Variants in ENTPD4 observed in about 807,000 individuals in gnomAD.
The protein encoded by ENTPD4 is Golgi UDPase.
ENTPD4 carries 60 observed loss-of-function variants against 79.1 expected under a neutral mutation model. The observed-to-expected ratio is 0.76, with a 90% CI of 0.62 to 0.94. The LOEUF (loss-of-function observed/expected upper bound fraction) is 0.94. Among genes scored for constraint, ENTPD4 ranks in the 40% least tolerant of loss-of-function variants. ENTPD4 has a pLI of 0.00. For missense variants in ENTPD4, 772 were observed against 775.1 expected (o/e 1.00, Z 0.05); for synonymous variants, 276 against 292.0 (o/e 0.95, Z 0.56).
intron 4 of ENTPD4, 97 bp downstream of exon 4, chr8:23,447,583 C>T: frequency 2.0e-6 from 2 of 981,718 alleles, no homozygotes; most frequent in South Asian, 2.7e-5. Context: ...TGAGGTTTGA[C>T]TCAGGGCCAT....
chr8:23,430,492 C>T lies in ENTPD4; in HGVS notation c.*2434G>A, dbSNP rs1433173916. ...GTATCCTTTTTTGAACTGCATTGTT[C>T]TCACAAGGACCAGCAAACTTTTTCT... On this transcript the variant is annotated 3_prime_UTR_variant, in exon 13 of 13. Coordinates refer to ENST00000358689, the MANE Select transcript of ENTPD4 (RefSeq NM_004901.5). The T allele has an allele frequency of 2.0e-6, 2 of 985,306 alleles. No individual in the cohort carries two copies. Among genetic ancestry groups the T allele is most frequent in the African/African-American group, 3.5e-5 (2 of 57,222 alleles). 61.0% of individuals were successfully genotyped at this position (985,306 alleles called of 1,614,324 possible). A position where few individuals can be genotyped will look rare whatever the true frequency, so the allele number is the denominator to read the frequency against.
chr8:23,448,739 T>TA lies in ENTPD4; in HGVS notation c.206+2dup, dbSNP rs1400419567. 1 of 1,613,134 alleles carries TA rather than the reference T, an allele frequency of 6.2e-7. No individual in the cohort carries two copies. Among genetic ancestry groups the TA allele is most frequent in the Non-Finnish European group, 8.5e-7 (1 of 1,179,188 alleles). On this transcript the variant is annotated splice_region_variant and intron_variant, in intron 3 of 12. Transcript: ENST00000358689. ...CTAGAAAGCAAATGTTTTTATCTCTTACCTTTGAAATTTCTTGTCTCTGGT... is the reference window on the plus strand; with the variant it reads ...CTAGAAAGCAAATGTTTTTATCTCTTAACCTTTGAAATTTCTTGTCTCTGGT...
intron 8 of ENTPD4, 47 bp downstream of exon 8, chr8:23,441,522 T>C (rs764815366): frequency 3.7e-6 from 6 of 1,601,948 alleles, no homozygotes; most frequent in Non-Finnish European, 8.5e-7. Context: ...GGACACACGT[T>C]AAATGAAAAC....
intron 9 of ENTPD4, 48 bp downstream of exon 9, chr8:23,439,701 A>C: frequency 6.3e-7 from 1 of 1,582,310 alleles, no homozygotes; most frequent in Non-Finnish European, 8.7e-7. Flanking sequence ...TTTTATGAGG[A>C]GAGACCTAGG....
intron 1 of ENTPD4, among the ~76,000 whole-genome samples, chr8:23,454,645 AG>A (rs1178083044): frequency 1.3e-5 from 2 of 152,224 alleles, no homozygotes; most frequent in Non-Finnish European, 2.9e-5. Flanking sequence ...TCGAAGAGGA[AG>A]GTGACCGAGA....
At chr8:23,450,256 C>CACAGGGTCA (rs926820854) in intron 1 of ENTPD4, among the ~76,000 whole-genome samples, 9 of 152,274 alleles carry the variant, frequency 5.9e-5, no homozygotes, top group African/African-American at 1.9e-4. Context: ...CCCAAAATAT[C>CACAGGGTCA]AGGATATCAA....
intron 1 of ENTPD4, among the ~76,000 whole-genome samples, chr8:23,457,317 T>C (rs917965298): frequency 1.9e-4 from 27 of 143,888 alleles, no homozygotes; most frequent in African/African-American, 7.4e-4. Flanking sequence ...TGCCAGGGGC[T>C]GGGGGAGCGC....
At position 23,442,681 on chromosome 8, in the gene ENTPD4, CA is replaced by C. The variant is rs5890111; in HGVS notation, c.668-616del. ...CTGGTGACAGAGCGAGACTCCATCTCAAAAAAAAAAAAAATTCAAGGTATCT... is the reference window on the plus strand; with the variant it reads ...CTGGTGACAGAGCGAGACTCCATCTCAAAAAAAAAAAAATTCAAGGTATCT... On this transcript the variant is annotated intron_variant, in intron 6 of 12. Transcript: ENST00000358689. Among the ~76,000 whole-genome samples the C allele has an allele frequency of 5.8e-3, 824 of 142,624 alleles. 4 individuals are homozygous for C. Among genetic ancestry groups the C allele is most frequent in the African/African-American group, 0.017 (646 of 38,918 alleles). The allele number at this position is 142,624 out of a possible 152,430, so 93.6% of individuals were successfully genotyped here.
chr8:23,436,676 T>C (rs368233755), intron 10 of ENTPD4, among the ~76,000 whole-genome samples: 1 of 152,254 alleles, frequency 6.6e-6, no homozygotes, highest in East Asian at 1.9e-4. Flanking sequence ...AAAAATGACA[T>C]AAAAGACTGT....
At chr8:23,434,765 C>T (rs958103715) in intron 11 of ENTPD4, 1 of 1,192,590 alleles carries the variant, frequency 8.4e-7, no homozygotes, top group Non-Finnish European at 1.1e-6. Context: ...GCTGGCATTT[C>T]ACCATGTACT....
Position 23,430,329 on chromosome 8 carries a change from TA to T in ENTPD4, c.*2596del, listed in dbSNP as rs1222384201. 3 of 985,330 alleles carry T rather than the reference TA, an allele frequency of 3.0e-6. No homozygotes were observed. In the Admixed American group the frequency reaches 1.8e-4, roughly 61 times the overall value. The allele number at this position is 985,330 out of a possible 1,614,324, so 61.0% of individuals were successfully genotyped here. ...TTTGTTTCAAAACTCATCTTGAAAA[TA>T]ATCTAGACGGAAAAATCCGAAGTGA... On this transcript the variant is annotated 3_prime_UTR_variant, in exon 13 of 13. Transcript: ENST00000358689.
At chr8:23,435,237 A>G (rs1800535187) in intron 11 of ENTPD4, among the ~76,000 whole-genome samples, 155 bp downstream of exon 11, 1 of 152,240 alleles carries the variant, frequency 6.6e-6, no homozygotes, top group Admixed American at 6.5e-5. Context: ...ATGTCTGGGC[A>G]CAAGTATTTG....
At chr8:23,454,502 T>C (rs1391978238) in intron 1 of ENTPD4, among the ~76,000 whole-genome samples, 1 of 152,162 alleles carries the variant, frequency 6.6e-6, no homozygotes, top group Non-Finnish European at 1.5e-5. Flanking sequence ...AAGATACTAA[T>C]TAAAGGCAAT....
At chr8:23,454,709 G>C (rs970987535) in intron 1 of ENTPD4, among the ~76,000 whole-genome samples, 1 of 152,036 alleles carries the variant, frequency 6.6e-6, no homozygotes. Context: ...TTTGTCTCAG[G>C]AATTTTTTTT....
Position 23,433,118 on chromosome 8 carries a change from G to C in ENTPD4, c.1659C>G (p.Thr553=). The change falls in exon 13 of 13, where the codon ACC becomes ACG. Residue 553 remains threonine, a synonymous_variant. Transcript: ENST00000358689. ...AGACAAAGGAAACGCCCCGCCAGTG[G>C]GTGTGACTGGCTCGGAAGGCCTCCT... ...IQQEAFRASH[T]HWRGVSFVYN... is the part of the protein sequence containing the mutation. The C allele has an allele frequency of 6.2e-7, 1 of 1,614,234 alleles. No individual in the cohort carries two copies. Among genetic ancestry groups the C allele is most frequent in the Non-Finnish European group, 8.5e-7 (1 of 1,180,044 alleles).
chr8:23,429,796 C>G lies in ENTPD4; in HGVS notation c.*3130G>C. ...TCTTCACTCCGCCCAGGTCAGAAAGCACTGCCTAAAGCCGGAGCTTAGGAT... is the reference window on the plus strand; with the variant it reads ...TCTTCACTCCGCCCAGGTCAGAAAGGACTGCCTAAAGCCGGAGCTTAGGAT... On this transcript the variant is annotated 3_prime_UTR_variant, in exon 13 of 13. Transcript: ENST00000358689. 1 of 985,476 alleles carries G rather than the reference C, an allele frequency of 1.0e-6. No individual in the cohort carries two copies. Among genetic ancestry groups the G allele is most frequent in the Non-Finnish European group, 1.2e-6 (1 of 829,950 alleles). 61.0% of individuals were successfully genotyped at this position (985,476 alleles called of 1,614,324 possible).
At position 23,448,857 on chromosome 8, in the gene ENTPD4, A is replaced by C. The variant is rs780423997; in HGVS notation, c.91T>G (p.Leu31Val). 3 of 1,614,018 alleles carry C rather than the reference A, an allele frequency of 1.9e-6. No homozygotes were observed. Among genetic ancestry groups the C allele is most frequent in the African/African-American group, 2.7e-5 (2 of 74,934 alleles). The change falls in exon 3 of 13, where the codon TTA becomes GTA. Residue 31 changes from leucine (L) to valine (V), a missense_variant. Physicochemically the swap from Leu to Val is conservative, Grantham distance 32. Transcript: ENST00000358689. ...VGCPRILNTNLRQIMVISVLA... is the reference protein window; with the variant it reads ...VGCPRILNTNVRQIMVISVLA... ...ACACTAATGACCATAATTTGGCGTA[A>C]ATTGGTATTCAGAATTCGAGGACAC...
Position 23,430,434 on chromosome 8 carries a change from C to T in ENTPD4, c.*2492G>A, listed in dbSNP as rs539554652. 1.0e-6 allele frequency: 1 copy of T among 985,414 alleles called. No homozygotes were observed. The highest frequency in any genetic ancestry group is 4.7e-5 in the South Asian group (1 of 21,286). The allele number at this position is 985,414 out of a possible 1,614,324, so 61.0% of individuals were successfully genotyped here. A position where few individuals can be genotyped will look rare whatever the true frequency, so the allele number is the denominator to read the frequency against. ...ATCTTTTCGTGCCCACAAATGGAAA[C>T]TACATTCCTGATTTAAGAGGATGCT... is the stretch of plus-strand genomic sequence containing the variant. On this transcript the variant is annotated 3_prime_UTR_variant, in exon 13 of 13. Coordinates refer to ENST00000358689, the MANE Select transcript of ENTPD4 (RefSeq NM_004901.5).
In ENTPD4 at chr8:23,429,810, G is replaced by A. The variant is rs773569453; in HGVS notation, c.*3116C>T. On this transcript the variant is annotated 3_prime_UTR_variant, in exon 13 of 13. Coordinates refer to ENST00000358689, the MANE Select transcript of ENTPD4 (RefSeq NM_004901.5). ...AGGTCAGAAAGCACTGCCTAAAGCC[G>A]GAGCTTAGGATGAACATGGGCAAAA... The A allele has an allele frequency of 1.9e-4, 190 of 985,332 alleles. No homozygotes were observed. The highest frequency in any genetic ancestry group is 2.1e-4 in the Non-Finnish European group (177 of 829,946). 61.0% of individuals were successfully genotyped at this position (985,332 alleles called of 1,614,324 possible).
Sources: gnomAD v4.1 joint callset for allele counts (sites outside exome capture counted in the v4.1 genomes callset) on GRCh38, gnomAD v4.1.1 for gene constraint, MANE v1.5 for transcripts, NCBI Gene and HGNC (gene_info 2026-07-23, HGNC 2026-07-21) for gene names.